The following TFDP1 variants were observed in gnomAD, a reference collection of about 807,000 sequenced individuals.
TFDP1 encodes DRTF1-polypeptide 1.
TFDP1 carries 6 observed loss-of-function variants against 48.0 expected under a neutral mutation model. That is an observed-to-expected ratio of 0.13 (90% CI 0.07 to 0.25). The LOEUF is 0.25. Among genes scored for constraint, TFDP1 ranks in the 10% least tolerant of loss-of-function variants. TFDP1 has a pLI of 1.00. For synonymous variants in TFDP1, 201 were observed against 211.6 expected (o/e 0.95, Z 0.44); for missense variants, 335 against 543.0 (o/e 0.62, Z 3.81).
At chr13:113,616,960 G>A (rs1642192159) in intron 3 of TFDP1, among the ~76,000 whole-genome samples, 1 of 152,200 alleles carries the variant, frequency 6.6e-6, no homozygotes, top group African/African-American at 2.4e-5. Context: ...GCCCAGTCAT[G>A]ACATTTCTGT....
intron 8 of TFDP1, among the ~76,000 whole-genome samples, chr13:113,635,719 C>T (rs1453445240): frequency 6.6e-6 from 1 of 152,154 alleles, no homozygotes; most frequent in Admixed American, 6.5e-5. Context: ...GCGCCGTTGC[C>T]GTGGAGGACA....
rs577221007 is a variant in TFDP1 at position 113,637,925 on chromosome 13, C to G, written c.1085+29C>G. ...ACAGTCGTTGAGGGTGTGGGAGAGG[C>G]GTCATCTGGGCCTCCCCCGGGGTCC... On this transcript the variant is annotated intron_variant, in intron 11 of 11. Coordinates refer to ENST00000375370, the MANE Select transcript of TFDP1 (RefSeq NM_007111.5). 1.9e-6 allele frequency: 3 copies of G among 1,607,666 alleles called. No homozygotes were observed. In the East Asian group the frequency reaches 6.7e-5, roughly 36 times the overall value.
At chr13:113,589,649 G>T (rs186632523) in intron 2 of TFDP1, among the ~76,000 whole-genome samples, 14 of 152,022 alleles carry the variant, frequency 9.2e-5, no homozygotes, top group African/African-American at 3.4e-4. Flanking sequence ...GGCTCCCGTT[G>T]CAGGTACCGG....
At chr13:113,635,532 C>T (rs1420459033) in intron 8 of TFDP1, among the ~76,000 whole-genome samples, 1 of 152,174 alleles carries the variant, frequency 6.6e-6, no homozygotes, top group African/African-American at 2.4e-5. Context: ...GCCTATTCCC[C>T]CAGAGGAGCA....
chr13:113,622,034 C>G (rs1486364624), intron 3 of TFDP1, among the ~76,000 whole-genome samples: 8 of 152,226 alleles, frequency 5.3e-5, no homozygotes, highest in Admixed American at 5.2e-4. Context: ...CTGTCTTTCT[C>G]TTTGCCTCCT....
At chr13:113,625,793 C>CTCTCACGTGTCCTCAGGTG (rs1566667520) in intron 4 of TFDP1, among the ~76,000 whole-genome samples, 15 of 41,418 alleles carry the variant, frequency 3.6e-4, no homozygotes, top group Non-Finnish European at 5.6e-4. Context: ...CCTCAGGCGT[C>CTCTCACGTGTCCTCAGGTG]TCTCACGTGT....
At chr13:113,608,548 G>A (rs1313424588) in intron 2 of TFDP1, among the ~76,000 whole-genome samples, 1 of 152,172 alleles carries the variant, frequency 6.6e-6, no homozygotes, top group Non-Finnish European at 1.5e-5. Context: ...ACAGATGCTC[G>A]AGCTGGGCCC....
chr13:113,594,634 G>C (rs983018050), intron 2 of TFDP1, among the ~76,000 whole-genome samples: 1 of 152,250 alleles, frequency 6.6e-6, no homozygotes, highest in Admixed American at 6.5e-5. Context: ...CTGGTCCTCA[G>C]CTGTGCCCAG....
rs889536887 is a variant in TFDP1, at chr13:113,631,234, G to A, written c.187-389G>A. On this transcript the variant is annotated intron_variant, in intron 4 of 11. Transcript: ENST00000375370. ...AAGTAAAAGGGTGAAGGGAAAAATGGAAGCGTGCTCAAGTGCCCTGTGTGG... is the reference window on the plus strand; with the variant it reads ...AAGTAAAAGGGTGAAGGGAAAAATGAAAGCGTGCTCAAGTGCCCTGTGTGG... Among the ~76,000 whole-genome samples, 6 of 152,228 alleles carry A rather than the reference G, an allele frequency of 3.9e-5. No individual in the cohort carries two copies. In the East Asian group the frequency reaches 7.7e-4, roughly 20 times the overall value.
intron 8 of TFDP1, among the ~76,000 whole-genome samples, 176 bp downstream of exon 8, chr13:113,634,778 A>G (rs890720754): frequency 1.3e-5 from 2 of 148,878 alleles, no homozygotes; most frequent in Non-Finnish European, 3.0e-5. Flanking sequence ...TCCCAGAGCG[A>G]GGTTGTGCAC....
chr13:113,595,066 C>T (rs747177690), intron 2 of TFDP1, among the ~76,000 whole-genome samples: 26 of 152,100 alleles, frequency 1.7e-4, no homozygotes, highest in Non-Finnish European at 2.8e-4. Flanking sequence ...TTTCTCTGGT[C>T]AGTTATTTTT....
intron 2 of TFDP1, 63 bp downstream of exon 2, chr13:113,585,912 T>C: frequency 1.3e-6 from 2 of 1,551,748 alleles, no homozygotes; most frequent in Non-Finnish European, 1.8e-6. Flanking sequence ...TTTGTAGTTC[T>C]CTGCCTTTAT....
intron 3 of TFDP1, among the ~76,000 whole-genome samples, chr13:113,620,241 A>G (rs895747651): frequency 6.6e-6 from 1 of 152,200 alleles, no homozygotes; most frequent in Non-Finnish European, 1.5e-5. Flanking sequence ...CACCACCTGA[A>G]TCCCTGAGTC....
intron 4 of TFDP1, among the ~76,000 whole-genome samples, chr13:113,626,153 G>C (rs35398860): frequency 1.7e-3 from 239 of 144,154 alleles, no homozygotes; most frequent in Non-Finnish European, 2.4e-3. Flanking sequence ...GTGTCTCTCA[G>C]GTGTCCCCAG....
At chr13:113,634,798 C>T (rs1329000989) in intron 8 of TFDP1, among the ~76,000 whole-genome samples, 196 bp downstream of exon 8, 2 of 19,030 alleles carry the variant, frequency 1.1e-4, no homozygotes, top group African/African-American at 4.3e-4. Flanking sequence ...CGTGCGTGTG[C>T]ATGCATGTGT....
chr13:113,640,202 G>A lies in TFDP1; in HGVS notation c.1168G>A (p.Val390Met). The A allele has an allele frequency of 6.2e-7, 1 of 1,613,576 alleles. No homozygotes were observed. Among genetic ancestry groups the A allele is most frequent in the Non-Finnish European group, 8.5e-7 (1 of 1,179,812 alleles). The part of the protein sequence containing the change: ...QYSGSRVETP[V>M]SYVGEDDEED... ...CAGCGGCTCCAGGGTGGAGACTCCG[G>A]TGTCCTACGTCGGGGAGGACGACGA... is the stretch of plus-strand genomic sequence containing the variant. Residue 390 changes from valine (V) to methionine (M), a missense_variant, in exon 12 of 12, where the codon GTG (valine) becomes ATG (methionine). Val to Met is a conservative substitution (Grantham distance 21). Coordinates refer to ENST00000375370, the MANE Select transcript of TFDP1 (RefSeq NM_007111.5).
chr13:113,597,287 A>G (rs1339066951), intron 2 of TFDP1, among the ~76,000 whole-genome samples: 1 of 152,258 alleles, frequency 6.6e-6, no homozygotes, highest in East Asian at 1.9e-4. Flanking sequence ...GCTATGATAA[A>G]TAAATAGATG....
chr13:113,616,354 G>A (rs2048859038), intron 3 of TFDP1, among the ~76,000 whole-genome samples: 1 of 152,092 alleles, frequency 6.6e-6, no homozygotes, highest in South Asian at 2.1e-4. Context: ...CGGTGGCTGC[G>A]TTTTGCTACC....
intron 2 of TFDP1, among the ~76,000 whole-genome samples, chr13:113,595,768 C>G (rs1275038486): frequency 2.6e-5 from 4 of 152,228 alleles, no homozygotes. Context: ...GCTGTGTAGT[C>G]ATTTACTTCC....
Sources: gnomAD v4.1 joint callset for allele counts (sites outside exome capture counted in the v4.1 genomes callset) on GRCh38, gnomAD v4.1.1 for gene constraint, MANE v1.5 for transcripts, NCBI Gene and HGNC (gene_info 2026-07-23, HGNC 2026-07-21) for gene names.